Variants in SMG1 observed in about 807,000 individuals in gnomAD.
The protein encoded by SMG1 is serine/threonine-protein kinase SMG1.
SMG1 carries 22 observed loss-of-function variants against 419.9 expected under a neutral mutation model. That is an observed-to-expected ratio of 0.05 (90% CI 0.04 to 0.07). The LOEUF is 0.07. Ranked by LOEUF, SMG1 falls within the 10% of genes least tolerant of loss-of-function variation. The pLI is 1.00. For synonymous variants in SMG1, 1,538 were observed against 1,553.5 expected (o/e 0.99, Z 0.23); for missense variants, 3,185 against 4,342.0 (o/e 0.73, Z 7.49).
At chr16:18,919,018 T>C (rs963235178) in intron 1 of SMG1, among the ~76,000 whole-genome samples, 9 of 152,234 alleles carry the variant, frequency 5.9e-5, no homozygotes, top group South Asian at 2.1e-4. Flanking sequence ...AGACAGTGGT[T>C]TTACAAGTCA....
At chr16:18,855,251 T>C (rs1360178655) in intron 29 of SMG1, among the ~76,000 whole-genome samples, 1 of 152,214 alleles carries the variant, frequency 6.6e-6, no homozygotes, top group Non-Finnish European at 1.5e-5. Context: ...CTCTCTGCCC[T>C]TCCACCATTC....
chr16:18,871,512 C>A, intron 15 of SMG1, 30 bp from the exon 16 acceptor site: 5 of 1,269,032 alleles, frequency 3.9e-6, no homozygotes, highest in Non-Finnish European at 5.4e-6. Flanking sequence ...GTTGACTGTA[C>A]ATTAAAAAAA....
At chr16:18,879,251 G>C (rs1018041153) in intron 11 of SMG1, 2 of 487,466 alleles carry the variant, frequency 4.1e-6, no homozygotes, top group Non-Finnish European at 7.5e-6. Context: ...GAGTAGCTAG[G>C]ACTACAGGTG....
chr16:18,835,179 A>G lies in SMG1; in HGVS notation c.8058-15T>C, dbSNP rs1282698728. On this transcript the variant is annotated splice_polypyrimidine_tract_variant and intron_variant, in intron 48 of 62. Coordinates refer to ENST00000446231, the MANE Select transcript of SMG1 (RefSeq NM_015092.5). The stretch of plus-strand genomic sequence containing the variant: ...GCATTTCATATCTATAAAAATAAGG[A>G]AGAGGTGCTTGTTTATAACACAACC... 2 of 1,596,724 alleles carry G rather than the reference A, an allele frequency of 1.3e-6. No homozygotes were observed. The highest frequency in any genetic ancestry group is 8.6e-7 in the Non-Finnish European group (1 of 1,167,146).
chr16:18,820,897 A>C (rs76207197), intron 55 of SMG1, among the ~76,000 whole-genome samples: 14,468 of 152,256 alleles, frequency 0.095, 743 homozygotes, highest in Middle Eastern at 0.17. Context: ...CAATATAAAG[A>C]TACACATAAC....
intron 49 of SMG1, 29 bp downstream of exon 49, chr16:18,834,863 A>G: frequency 6.3e-7 from 1 of 1,599,470 alleles, no homozygotes; most frequent in East Asian, 2.2e-5. Context: ...GACACAGGAA[A>G]TGGTCCAATA....
chr16:18,834,614 C>CA (rs1227601989), intron 49 of SMG1, among the ~76,000 whole-genome samples, 176 bp from the exon 50 acceptor site: 1 of 151,912 alleles, frequency 6.6e-6, no homozygotes, highest in Admixed American at 6.6e-5. Flanking sequence ...CCATCTCTAC[C>CA]AAAAAATACA....
At chr16:18,885,695 A>G in intron 6 of SMG1, 29 bp from the exon 7 acceptor site, 1 of 1,594,382 alleles carries the variant, frequency 6.3e-7, no homozygotes, top group Non-Finnish European at 8.5e-7. Context: ...CAAACCGTGA[A>G]CATTCAACAA....
At chr16:18,917,256 G>C (rs188505967) in intron 1 of SMG1, among the ~76,000 whole-genome samples, 2 of 151,908 alleles carry the variant, frequency 1.3e-5, no homozygotes, top group Non-Finnish European at 1.5e-5. Context: ...AGGTTCAAGT[G>C]ATTCTCCTGC....
chr16:18,900,371 T>C (rs898424740), intron 1 of SMG1, among the ~76,000 whole-genome samples: 36 of 152,194 alleles, frequency 2.4e-4, no homozygotes, highest in African/African-American at 8.2e-4. Context: ...TAGGAGGCCA[T>C]TCGTTTCAAA....
At chr16:18,880,585 C>T (rs983651505) in intron 10 of SMG1, among the ~76,000 whole-genome samples, 2 of 151,896 alleles carry the variant, frequency 1.3e-5, no homozygotes, top group Non-Finnish European at 2.9e-5. Context: ...CATGGTGGCT[C>T]GCACCAGTAG....
At chr16:18,849,791 G>T (rs2034488179) in intron 35 of SMG1, among the ~76,000 whole-genome samples, 158 bp downstream of exon 35, 1 of 152,210 alleles carries the variant, frequency 6.6e-6, no homozygotes, top group African/African-American at 2.4e-5. Context: ...GGGAGGAAAA[G>T]TCCTAGTGAT....
intron 54 of SMG1, 51 bp from the exon 55 acceptor site, chr16:18,828,219 G>A: frequency 6.3e-7 from 1 of 1,578,432 alleles, no homozygotes; most frequent in Non-Finnish European, 8.6e-7. Context: ...AAAGCGTTTA[G>A]ATAAATAAGG....
Position 18,870,985 on chromosome 16 carries a change from G to C in SMG1, c.2303-97C>G, listed in dbSNP as rs534569336. The C allele has an allele frequency of 8.5e-6, 6 of 704,956 alleles. No homozygotes were observed. The Admixed American group carries it at 9.9e-5, about 12-fold the overall frequency. 43.7% of individuals were successfully genotyped at this position (704,956 alleles called of 1,614,324 possible). ...TGAATCCATTCATTCATTCAACAAA[G>C]AGTGAGTGCCTACTATAGACTAGGC... On this transcript the variant is annotated intron_variant, in intron 16 of 62. Transcript: ENST00000446231.
At chr16:18,849,616 G>A (rs2034479060) in intron 35 of SMG1, among the ~76,000 whole-genome samples, 1 of 152,190 alleles carries the variant, frequency 6.6e-6, no homozygotes. Flanking sequence ...GCTCAAAAAT[G>A]TTACGGAGAA....
At chr16:18,877,654 G>A (rs1287358332) in intron 11 of SMG1, 1 of 154,966 alleles carries the variant, frequency 6.5e-6, no homozygotes, top group Non-Finnish European at 1.4e-5. Flanking sequence ...AACACAATAT[G>A]TTAATGAGGG....
At chr16:18,844,582 A>G (rs1455915160) in intron 39 of SMG1, among the ~76,000 whole-genome samples, 2 of 138,402 alleles carry the variant, frequency 1.4e-5, no homozygotes, top group Non-Finnish European at 3.2e-5. Context: ...ACACACACAC[A>G]CGGAAACTCG....
chr16:18,908,286 T>C (rs1223896289), intron 1 of SMG1, among the ~76,000 whole-genome samples: 1 of 149,770 alleles, frequency 6.7e-6, no homozygotes, highest in Admixed American at 6.7e-5. Flanking sequence ...GAGAATCGCT[T>C]ACCCAGAGGC....
chr16:18,869,350 T>C, intron 19 of SMG1, 47 bp from the exon 20 acceptor site: 2 of 1,471,942 alleles, frequency 1.4e-6, no homozygotes, highest in Non-Finnish European at 1.8e-6. Context: ...AACTTCATTT[T>C]AATAATGAAA....
Sources: allele counts gnomAD v4.1 joint callset (sites outside exome capture counted in the v4.1 genomes callset), GRCh38; gene constraint gnomAD v4.1.1; transcripts MANE v1.5; gene names NCBI Gene and HGNC (gene_info 2026-07-23, HGNC 2026-07-21).